OPCML: variants seen among roughly 807,000 people sequenced by gnomAD.
OPCML encodes opioid binding protein/cell adhesion molecule like, also known as opioid-binding protein/cell adhesion molecule.
A neutral mutation model predicts 37.8 loss-of-function variants in OPCML; 13 were observed. The ratio of observed to expected loss-of-function variants is 0.34; its 90% CI spans 0.22 to 0.55. The LOEUF (loss-of-function observed/expected upper bound fraction) is 0.55, where lower values mean the gene tolerates loss of function less well. Among genes scored for constraint, OPCML ranks in the 20% least tolerant of loss-of-function variants. The pLI is 0.91. For missense variants in OPCML, 341 were observed against 435.6 expected (o/e 0.78, Z 1.93); for synonymous variants, 176 against 168.8 (o/e 1.04, Z -0.33).
chr11:133,135,422 A>G (rs1362501698), intron 1 of OPCML, among the ~76,000 whole-genome samples: 3 of 140,284 alleles, frequency 2.1e-5, no homozygotes, highest in African/African-American at 7.9e-5. Flanking sequence ...GTTGATTCCT[A>G]TTCTTTGCCC....
chr11:132,699,311 C>T (rs571792270), intron 2 of OPCML, among the ~76,000 whole-genome samples: 12 of 152,070 alleles, frequency 7.9e-5, no homozygotes, highest in Admixed American at 1.3e-4. Flanking sequence ...GACAATTTTA[C>T]TTCTTCTTTT....
At chr11:132,993,120 A>G (rs1946811359) in intron 1 of OPCML, among the ~76,000 whole-genome samples, 1 of 152,120 alleles carries the variant, frequency 6.6e-6, no homozygotes, top group Non-Finnish European at 1.5e-5. Context: ...TGGTTTCAAG[A>G]GCATGCACGT....
At chr11:133,049,771 G>T (rs1432896388) in intron 1 of OPCML, among the ~76,000 whole-genome samples, 1 of 152,200 alleles carries the variant, frequency 6.6e-6, no homozygotes, top group Non-Finnish European at 1.5e-5. Flanking sequence ...ACCTGTGAGG[G>T]CTTCTTTATG....
chr11:132,630,687 A>G (rs909536709), intron 3 of OPCML, among the ~76,000 whole-genome samples: 1 of 152,150 alleles, frequency 6.6e-6, no homozygotes, highest in Non-Finnish European at 1.5e-5. Flanking sequence ...GGAGTATAAA[A>G]ATGTACAATG....
chr11:132,619,698 A>C (rs1026248374), intron 3 of OPCML, among the ~76,000 whole-genome samples: 262 of 151,302 alleles, frequency 1.7e-3, no homozygotes, highest in African/African-American at 5.9e-3. Flanking sequence ...AAAAAAAAAA[A>C]AAAATTAGCC....
At chr11:133,042,221 C>T (rs779178687) in intron 1 of OPCML, among the ~76,000 whole-genome samples, 24 of 152,214 alleles carry the variant, frequency 1.6e-4, no homozygotes, top group Non-Finnish European at 2.6e-4. Flanking sequence ...CCCACGTGGC[C>T]AGCCCTTACC....
At chr11:133,352,748 G>A (rs1402454366) in intron 1 of OPCML, among the ~76,000 whole-genome samples, 1 of 152,172 alleles carries the variant, frequency 6.6e-6, no homozygotes, top group East Asian at 1.9e-4. Context: ...ATGAGAGCTA[G>A]ACTAGTAAAA....
chr11:133,429,862 T>A (rs1273264795), intron 1 of OPCML, among the ~76,000 whole-genome samples: 1 of 152,174 alleles, frequency 6.6e-6, no homozygotes, highest in Non-Finnish European at 1.5e-5. Flanking sequence ...GAGAAGGTTG[T>A]TGTATTAATA....
Position 133,002,784 on chromosome 11 carries a change from G to A in OPCML, c.62-59774C>T, listed in dbSNP as rs991044219. ...AGAAGGACAAAGGAAAGAGAGGGGG[G>A]GGTGGGAAGAGAAGAGAGATTGATC... On this transcript the variant is annotated intron_variant, in intron 1 of 7. Coordinates refer to ENST00000524381, the MANE Select transcript of OPCML (RefSeq NM_001012393.5). Among the ~76,000 whole-genome samples, 5 of 151,738 alleles carry A rather than the reference G, an allele frequency of 3.3e-5. No homozygotes were observed. The South Asian group carries it at 6.3e-4, about 19-fold the overall frequency.
At chr11:132,644,552 A>G (rs1214543955) in intron 3 of OPCML, among the ~76,000 whole-genome samples, 1 of 152,218 alleles carries the variant, frequency 6.6e-6, no homozygotes, top group Non-Finnish European at 1.5e-5. Flanking sequence ...TATTACAACG[A>G]TATCATCTTC....
intron 2 of OPCML, among the ~76,000 whole-genome samples, chr11:132,750,203 A>C (rs1945785210): frequency 6.6e-6 from 1 of 152,238 alleles, no homozygotes. Context: ...ATTTTGGTAA[A>C]ATAATAGATA....
At chr11:132,905,383 C>A (rs1418300500) in intron 2 of OPCML, among the ~76,000 whole-genome samples, 3 of 151,934 alleles carry the variant, frequency 2.0e-5, no homozygotes, top group Admixed American at 1.3e-4. Context: ...AGGCACCTGC[C>A]ACCACGTCCG....
intron 2 of OPCML, among the ~76,000 whole-genome samples, chr11:132,835,390 A>G (rs1940949113): frequency 6.6e-6 from 1 of 152,220 alleles, no homozygotes; most frequent in South Asian, 2.1e-4. Context: ...TTATGATTAA[A>G]TCAGAAGTCA....
chr11:133,510,903 GCACACACA>G (rs139570053), intron 1 of OPCML, among the ~76,000 whole-genome samples: 1 of 147,434 alleles, frequency 6.8e-6, no homozygotes, highest in Non-Finnish European at 1.5e-5. Flanking sequence ...ACACACACAC[GCACACACA>G]CACACACACA....
At chr11:132,828,191 A>AGT (rs1750743932) in intron 2 of OPCML, among the ~76,000 whole-genome samples, 1 of 152,212 alleles carries the variant, frequency 6.6e-6, no homozygotes, top group East Asian at 1.9e-4. Flanking sequence ...ATTCTGGAAA[A>AGT]GGCACAATTA....
intron 1 of OPCML, among the ~76,000 whole-genome samples, chr11:133,495,077 C>T (rs1458970926): frequency 1.3e-5 from 2 of 152,082 alleles, no homozygotes; most frequent in Non-Finnish European, 2.9e-5. Flanking sequence ...TCCCCCAAGT[C>T]ACCGAAGTTC....
chr11:133,525,234 T>C (rs1948467075), intron 1 of OPCML, among the ~76,000 whole-genome samples: 1 of 152,158 alleles, frequency 6.6e-6, no homozygotes, highest in Non-Finnish European at 1.5e-5. Flanking sequence ...GAAAGCAGCA[T>C]TTAAGCTGAG....
intron 1 of OPCML, among the ~76,000 whole-genome samples, chr11:133,308,597 G>A (rs181797011): frequency 2.2e-4 from 33 of 152,156 alleles, no homozygotes; most frequent in African/African-American, 3.1e-4. Context: ...GTCCACATCC[G>A]TACATTTCCC....
chr11:132,632,946 T>C (rs1198342097), intron 3 of OPCML, among the ~76,000 whole-genome samples: 6 of 135,430 alleles, frequency 4.4e-5, no homozygotes, highest in Admixed American at 2.8e-4. Context: ...CTCACCATAT[T>C]GAAAAAAAAA....
Sources: allele counts gnomAD v4.1 joint callset (sites outside exome capture counted in the v4.1 genomes callset), GRCh38; gene constraint gnomAD v4.1.1; transcripts MANE v1.5; gene names NCBI Gene and HGNC (gene_info 2026-07-23, HGNC 2026-07-21).